UPRT: variants seen among roughly 807,000 people sequenced by gnomAD.
The protein encoded by UPRT is uracil phosphoribosyltransferase homolog, also known as RP11-311P8.3.
A neutral mutation model predicts 22.6 loss-of-function variants in UPRT; 5 were observed. That is an observed-to-expected ratio of 0.22 (90% CI 0.12 to 0.47). The LOEUF is 0.47. Among genes scored for constraint, UPRT ranks in the 20% least tolerant of loss-of-function variants. The pLI is 0.99. For synonymous variants in UPRT, 77 were observed against 87.7 expected, an observed-to-expected ratio of 0.88 and a Z score of 0.68; for missense variants, 181 against 239.9, an observed-to-expected ratio of 0.75 and a Z score of 1.62.
At chrX:75,259,071 A>G (rs2147668124) in intron 4 of UPRT, among the ~76,000 whole-genome samples, 1 of 111,818 alleles carries the variant, frequency 8.9e-6, no homozygotes, top group African/African-American at 3.2e-5. Context: ...AAGGGATAGC[A>G]TCAACATCAA....
rs936039064 is a variant in UPRT at position 75,259,950 on chromosome X, T to C, written c.-446-31074T>C. ...AGCCAGAAGAGAGTGGGGGCCAATA[T>C]TCAACATTCTTAAAGAAAAGAATTT... On this transcript the variant is annotated intron_variant, in intron 4 of 13. Coordinates refer to the UPRT transcript ENST00000652605. Among the ~76,000 whole-genome samples, 18 of 111,874 alleles carry C rather than the reference T, an allele frequency of 1.6e-4. No homozygotes were observed. In the East Asian group the frequency reaches 3.9e-3, roughly 25 times the overall value.
chrX:75,235,763 A>T (rs1182745772), intron 4 of UPRT, among the ~76,000 whole-genome samples: 1 of 111,671 alleles, frequency 9.0e-6, no homozygotes, highest in Non-Finnish European at 1.9e-5. Context: ...CATCCTAAAA[A>T]CTCTCAATAA....
At chrX:75,205,888 G>C (rs913263121) in intron 4 of UPRT, among the ~76,000 whole-genome samples, 19 of 111,840 alleles carry the variant, frequency 1.7e-4, no homozygotes, top group African/African-American at 6.2e-4. Context: ...TTGTACATGA[G>C]TTTAAATGGG....
In UPRT at chrX:75,274,310, ACT is replaced by A; in HGVS notation, c.59_60del (p.Ser20CysfsTer39). On this transcript the variant is annotated frameshift_variant, in exon 1 of 7. Coordinates refer to ENST00000373383, the MANE Select transcript of UPRT (RefSeq NM_145052.4). LOFTEE classifies it high-confidence loss of function. ...ATGCCCTGTCACAACCAGCAAGTAA[ACT>A]CTGCCTCAACCCCAAGTCCCGAGCA... 1.7e-6 allele frequency: 2 copies of A among 1,210,648 alleles called. No individual in the cohort carries two copies. The highest frequency in any genetic ancestry group is 2.2e-6 in the Non-Finnish European group (2 of 895,140).
chrX:75,296,238 T>C (rs2082725285), intron 2 of UPRT, 104 bp from the exon 3 acceptor site: 1 of 768,720 alleles, frequency 1.3e-6, no homozygotes, highest in African/African-American at 2.1e-5. Context: ...GTGAAACCTT[T>C]GCCTAGTGTG....
chrX:75,214,639 G>A (rs1162096652), intron 4 of UPRT, among the ~76,000 whole-genome samples: 1 of 112,588 alleles, frequency 8.9e-6, no homozygotes, highest in Non-Finnish European at 1.9e-5. Flanking sequence ...GCTAGGTGTG[G>A]TGGCTCATGC....
intron 4 of UPRT, among the ~76,000 whole-genome samples, chrX:75,205,458 C>T (rs1307143423): frequency 9.3e-6 from 1 of 108,061 alleles, no homozygotes; most frequent in Non-Finnish European, 1.9e-5. Flanking sequence ...GGACCAGGGC[C>T]TTCTGGATTG....
At chrX:75,261,953 G>T (rs181766123) in intron 4 of UPRT, among the ~76,000 whole-genome samples, 1,250 of 110,883 alleles carry the variant, frequency 0.011, 20 homozygotes, top group African/African-American at 0.04. Flanking sequence ...GATACTCCTC[G>T]AGAAGAGAAA....
chrX:75,258,222 CT>C (rs200771761), intron 4 of UPRT, among the ~76,000 whole-genome samples: 2,649 of 68,390 alleles, frequency 0.039, 42 homozygotes, highest in Non-Finnish European at 0.062. Flanking sequence ...TTTTTTCTTT[CT>C]TTTTTTTTTT....
At chrX:75,297,313 G>A (rs1202032058) in intron 3 of UPRT, among the ~76,000 whole-genome samples, 178 bp from the exon 4 acceptor site, 1 of 111,982 alleles carries the variant, frequency 8.9e-6, no homozygotes, top group East Asian at 2.8e-4. Context: ...GAAGAATTAA[G>A]AAATAACTGA....
chrX:75,274,815 TG>T (rs1177285684), intron 1 of UPRT, 175 bp downstream of exon 1: 4 of 355,122 alleles, frequency 1.1e-5, no homozygotes, highest in African/African-American at 1.1e-4. Context: ...TGTGTGTGTG[TG>T]TCGTGTAACT....
At position 75,237,614 on chromosome X, in the gene UPRT, A is replaced by G. The variant is rs1409546122; in HGVS notation, c.-446-53410A>G. Among the ~76,000 whole-genome samples the G allele has an allele frequency of 2.0e-4, 22 of 110,713 alleles. No homozygotes were observed. The Admixed American group carries it at 2.1e-3, about 11-fold the overall frequency. ...ACATATACACCATGGAATACTATGC[A>G]GCCATAAAAAATGATGAATTCATGT... is the stretch of plus-strand genomic sequence containing the variant. On this transcript the variant is annotated intron_variant, in intron 4 of 13. Coordinates refer to the UPRT transcript ENST00000652605.
At chrX:75,292,776 G>C (rs1266925537) in intron 1 of UPRT, among the ~76,000 whole-genome samples, 14 of 110,394 alleles carry the variant, frequency 1.3e-4, no homozygotes, top group Admixed American at 1.1e-3. Flanking sequence ...TCCCTTTTTG[G>C]CTCGTTAACA....
chrX:75,178,019 T>G (rs2082254394), intron 4 of UPRT, among the ~76,000 whole-genome samples: 1 of 112,302 alleles, frequency 8.9e-6, no homozygotes, highest in Non-Finnish European at 1.9e-5. Flanking sequence ...TTGGGCGACA[T>G]GCTTGTGAGA....
exon 1 of UPRT, chrX:75,274,081 AGCCAAAGTGT>A (rs1218200758): frequency 4.5e-6 from 3 of 670,274 alleles, no homozygotes; most frequent in African/African-American, 4.5e-5. Context: ...GGCGGGAGTG[AGCCAAAGTGT>A]GCTAAAGGAA....
intron 3 of UPRT, among the ~76,000 whole-genome samples, chrX:75,164,365 T>A (rs2147600568): frequency 9.0e-6 from 1 of 111,214 alleles, no homozygotes; most frequent in Admixed American, 9.6e-5. Context: ...AAAAAATAAA[T>A]CTCTGTTCTT....
At chrX:75,160,893 A>G (rs753064522) in intron 2 of UPRT, among the ~76,000 whole-genome samples, 5 of 112,045 alleles carry the variant, frequency 4.5e-5, no homozygotes, top group Non-Finnish European at 9.4e-5. Context: ...AACAGCTATT[A>G]TTTGAAAAGT....
At chrX:75,291,289 T>C (rs1425819396) in intron 1 of UPRT, 1 of 228,023 alleles carries the variant, frequency 4.4e-6, no homozygotes, top group African/African-American at 3.0e-5. Flanking sequence ...TTTAAAAATA[T>C]TCCAGGGATG....
intron 4 of UPRT, among the ~76,000 whole-genome samples, chrX:75,237,548 C>G (rs1242726553): frequency 1.5e-4 from 17 of 109,979 alleles, no homozygotes; most frequent in African/African-American, 5.3e-4. Flanking sequence ...GGAACCAACC[C>G]AAATGTCCAA....
Sources: gnomAD v4.1 joint callset for allele counts (sites outside exome capture counted in the v4.1 genomes callset) on GRCh38, gnomAD v4.1.1 for gene constraint, MANE v1.5 for transcripts, NCBI Gene and HGNC (gene_info 2026-07-23, HGNC 2026-07-21) for gene names.